Variants in PTPRZ1 observed in about 807,000 individuals in gnomAD.
PTPRZ1 encodes the protein protein tyrosine phosphatase receptor type Z1, also known as receptor-type tyrosine-protein phosphatase zeta.
PTPRZ1 carries 82 observed loss-of-function variants against 214.1 expected under a neutral mutation model. That is an observed-to-expected ratio of 0.38 (90% CI 0.32 to 0.46). The LOEUF (loss-of-function observed/expected upper bound fraction) is 0.46, where lower values mean the gene tolerates loss of function less well. Ranked by LOEUF, PTPRZ1 falls within the 20% of genes least tolerant of loss-of-function variation. The pLI is 1.00. For synonymous variants in PTPRZ1, 945 were observed against 987.9 expected (o/e 0.96, Z 0.81); for missense variants, 2,603 against 2,748.7 (o/e 0.95, Z 1.19).
chr7:121,898,556 C>T (rs1206450363), intron 1 of PTPRZ1, among the ~76,000 whole-genome samples: 1 of 151,970 alleles, frequency 6.6e-6, no homozygotes, highest in Non-Finnish European at 1.5e-5. Flanking sequence ...TACTGTTTTT[C>T]TTCCCTGCCA....
intron 1 of PTPRZ1, among the ~76,000 whole-genome samples, chr7:121,886,924 C>A (rs1794415281): frequency 6.6e-6 from 1 of 152,142 alleles, no homozygotes; most frequent in Non-Finnish European, 1.5e-5. Context: ...ATGCAAAGTG[C>A]TTCAAAACCT....
At chr7:121,958,855 A>T (rs1796788698) in intron 2 of PTPRZ1, among the ~76,000 whole-genome samples, 2 of 151,916 alleles carry the variant, frequency 1.3e-5, no homozygotes, top group African/African-American at 4.8e-5. Flanking sequence ...ACAGAGTCTC[A>T]CTCTGTTGCC....
chr7:121,937,434 C>T (rs1355301385), intron 2 of PTPRZ1, among the ~76,000 whole-genome samples: 2 of 152,156 alleles, frequency 1.3e-5, no homozygotes, highest in Non-Finnish European at 2.9e-5. Context: ...CACCTGGCGG[C>T]TCCCCTGGGG....
At chr7:121,903,964 TCTCA>T (rs979792168) in intron 1 of PTPRZ1, among the ~76,000 whole-genome samples, 1 of 81,616 alleles carries the variant, frequency 1.2e-5, no homozygotes, top group Non-Finnish European at 2.4e-5. Context: ...AGTCTTTAAA[TCTCA>T]CACACACACA....
rs529475632 is a variant in PTPRZ1, at chr7:121,934,487, C to CAAAAA, written c.124+6287_124+6291dup. On this transcript the variant is annotated intron_variant, in intron 2 of 29. Transcript: ENST00000393386. ...TGGGCAACAAAGCGAGACTCCGTCT[C>CAAAAA]AAAAAAAAAAAAAAAAAAAAAAAAA... 3.9e-4 allele frequency among the ~76,000 whole-genome samples: 30 copies of CAAAAA among 77,038 alleles called. 1 individual carries two copies. Among genetic ancestry groups the CAAAAA allele is most frequent in the African/African-American group, 1.3e-3 (27 of 20,536 alleles). 50.5% of individuals were successfully genotyped at this position (77,038 alleles called of 152,430 possible). A position where few individuals can be genotyped will look rare whatever the true frequency, so the allele number is the denominator to read the frequency against.
At chr7:121,892,128 C>T (rs1340625056) in intron 1 of PTPRZ1, among the ~76,000 whole-genome samples, 1 of 152,024 alleles carries the variant, frequency 6.6e-6, no homozygotes, top group Non-Finnish European at 1.5e-5. Flanking sequence ...ATAATTTTAG[C>T]ATTTGGGGTT....
intron 2 of PTPRZ1, among the ~76,000 whole-genome samples, chr7:121,958,689 C>A (rs545655509): frequency 6.6e-6 from 1 of 152,202 alleles, no homozygotes; most frequent in African/African-American, 2.4e-5. Flanking sequence ...TCTCTACCAA[C>A]GTGACTGGTA....
chr7:121,950,074 G>T (rs1424672702), intron 2 of PTPRZ1, among the ~76,000 whole-genome samples: 1 of 152,154 alleles, frequency 6.6e-6, no homozygotes, highest in Non-Finnish European at 1.5e-5. Flanking sequence ...CACATGGCTG[G>T]GGAAGCCTCA....
intron 1 of PTPRZ1, among the ~76,000 whole-genome samples, chr7:121,880,319 C>T (rs898156009): frequency 1.3e-5 from 2 of 152,074 alleles, no homozygotes; most frequent in African/African-American, 4.8e-5. Context: ...TACTTGGGTA[C>T]TTGGAAATAA....
chr7:121,979,821 C>G (rs760633106), intron 6 of PTPRZ1, among the ~76,000 whole-genome samples: 1 of 151,990 alleles, frequency 6.6e-6, no homozygotes, highest in South Asian at 2.1e-4. Context: ...CTCAAGCCAA[C>G]AAAACAAAAT....
intron 1 of PTPRZ1, among the ~76,000 whole-genome samples, chr7:121,886,493 C>CACACACAG (rs1386313626): frequency 6.7e-6 from 1 of 149,340 alleles, no homozygotes; most frequent in African/African-American, 2.4e-5. Flanking sequence ...CACACACACA[C>CACACACAG]AGCCGTAAAA....
intron 6 of PTPRZ1, among the ~76,000 whole-genome samples, chr7:121,982,226 T>G (rs1797634841): frequency 6.6e-6 from 1 of 152,204 alleles, no homozygotes; most frequent in African/African-American, 2.4e-5. Flanking sequence ...TATTTTCTCT[T>G]CCATTGTTCT....
chr7:122,023,648 TTATA>T (rs528085927), intron 13 of PTPRZ1, among the ~76,000 whole-genome samples: 1 of 130,530 alleles, frequency 7.7e-6, no homozygotes, highest in African/African-American at 3.0e-5. Flanking sequence ...TTATATATAA[TTATA>T]TATATTATAT....
At chr7:121,944,844 T>C (rs1796325318) in intron 2 of PTPRZ1, among the ~76,000 whole-genome samples, 1 of 152,082 alleles carries the variant, frequency 6.6e-6, no homozygotes, top group Admixed American at 6.5e-5. Flanking sequence ...GGTTTCAACA[T>C]GTTGGCCAGG....
At chr7:122,056,166 C>A (rs1254610371) in intron 27 of PTPRZ1, among the ~76,000 whole-genome samples, 1 of 151,820 alleles carries the variant, frequency 6.6e-6, no homozygotes, top group African/African-American at 2.4e-5. Flanking sequence ...CATGCCTTCT[C>A]ATTATTCCTA....
intron 12 of PTPRZ1, 21 bp from the exon 13 acceptor site, chr7:122,019,103 C>A (rs985252848): frequency 6.3e-7 from 1 of 1,581,008 alleles, no homozygotes; most frequent in African/African-American, 1.4e-5. Context: ...TATCAATTCT[C>A]TCAATTTTCT....
chr7:122,059,798 T>C lies in PTPRZ1; in HGVS notation c.6717T>C (p.Leu2239=). 6.2e-7 allele frequency: 1 copy of C among 1,613,608 alleles called. No homozygotes were observed. The highest frequency in any genetic ancestry group is 8.5e-7 in the Non-Finnish European group (1 of 1,179,758). Residue 2239 remains leucine (L), a synonymous_variant, in exon 29 of 30, where the codon CTT becomes CTC. Coordinates refer to ENST00000393386, the MANE Select transcript of PTPRZ1 (RefSeq NM_002851.3). ...GAACTTTCTGTGCTCTGACAACCCT[T>C]ATGCACCAACTAGAAAAAGAAAATT... The part of the protein sequence containing the change: ...TAGTFCALTT[L]MHQLEKENSV...
At chr7:121,913,221 A>T (rs1251645906) in intron 1 of PTPRZ1, among the ~76,000 whole-genome samples, 1 of 152,200 alleles carries the variant, frequency 6.6e-6, no homozygotes, top group African/African-American at 2.4e-5. Context: ...GAAAGGAGAA[A>T]GTAGAGATAC....
intron 8 of PTPRZ1, among the ~76,000 whole-genome samples, chr7:121,985,996 A>G (rs1797753680): frequency 6.6e-6 from 1 of 152,228 alleles, no homozygotes; most frequent in African/African-American, 2.4e-5. Context: ...TTTCCACATA[A>G]TAAAAACATA....
Sources: gnomAD v4.1 joint callset for allele counts (sites outside exome capture counted in the v4.1 genomes callset) on GRCh38, gnomAD v4.1.1 for gene constraint, MANE v1.5 for transcripts, NCBI Gene and HGNC (gene_info 2026-07-23, HGNC 2026-07-21) for gene names.